SREBF1: variants seen among roughly 807,000 people sequenced by gnomAD.
SREBF1 encodes the protein sterol regulatory element-binding protein 1.
In SREBF1, 45 loss-of-function variants were observed where a neutral mutation model predicts 100.1. That is an observed-to-expected ratio of 0.45 (90% confidence interval 0.35 to 0.58). The LOEUF (loss-of-function observed/expected upper bound fraction) is 0.58, where lower values mean the gene tolerates loss of function less well. Ranked by LOEUF, SREBF1 falls within the 20% of genes least tolerant of loss-of-function variation. The pLI is 0.00. For missense variants in SREBF1, 1,324 were observed against 1,539.4 expected, an observed-to-expected ratio of 0.86 and a Z score of 2.34; for synonymous variants, 657 against 681.8, an observed-to-expected ratio of 0.96 and a Z score of 0.57.
chr17:17,827,883 CAA>C (rs943849463), intron 1 of SREBF1, among the ~76,000 whole-genome samples: 1 of 152,194 alleles, frequency 6.6e-6, no homozygotes, highest in Non-Finnish European at 1.5e-5. Context: ...GTGCAGAGTG[CAA>C]AGACAGAGAG....
chr17:17,812,494 C>A lies in SREBF1; in HGVS notation c.*128G>T. 1 of 971,288 alleles carries A rather than the reference C, an allele frequency of 1.0e-6. No homozygotes were observed. Among genetic ancestry groups the A allele is most frequent in the Non-Finnish European group, 1.5e-6 (1 of 657,914 alleles). The allele number at this position is 971,288 out of a possible 1,614,324, so 60.2% of individuals were successfully genotyped here. ...TTCCACCGCGAAGGCACACAGCAGC[C>A]GCAGGTCGAACTGTGGAGGCCAGAG... On this transcript the variant is annotated 3_prime_UTR_variant, in exon 19 of 19. Coordinates refer to ENST00000261646, the MANE Select transcript of SREBF1 (RefSeq NM_004176.5).
rs1367632874 is a variant in SREBF1 at position 17,816,857 on chromosome 17, G to A, written c.1785+101C>T. On this transcript the variant is annotated intron_variant, in intron 9 of 18. Transcript: ENST00000261646. The stretch of plus-strand genomic sequence containing the variant: ...GGCTAGGCACAGGGAGGACGGGACA[G>A]ATTCATGGTGTGCACAGGGAGCAGG... The A allele has an allele frequency of 1.7e-5, 27 of 1,593,836 alleles. No individual in the cohort carries two copies. In the East Asian group the frequency reaches 5.6e-4, roughly 33 times the overall value.
At position 17,812,368 on chromosome 17, in the gene SREBF1, C is replaced by T. The variant is rs1013522968; in HGVS notation, c.*254G>A. On this transcript the variant is annotated 3_prime_UTR_variant, in exon 19 of 19. Coordinates refer to ENST00000261646, the MANE Select transcript of SREBF1 (RefSeq NM_004176.5). ...GGTGCCTGCAGAGCAAGGAGGGGGG[C>T]CCCCCAAAATGGCTCGGCCCCTGCA... 2 of 580,832 alleles carry T rather than the reference C, an allele frequency of 3.4e-6. No individual in the cohort carries two copies. The highest frequency in any genetic ancestry group is 6.5e-5 in the Admixed American group (2 of 30,602). The allele number at this position is 580,832 out of a possible 1,614,324, so 36.0% of individuals were successfully genotyped here. A position where few individuals can be genotyped will look rare whatever the true frequency, so the allele number is the denominator to read the frequency against.
chr17:17,821,617 G>C (rs1036364694), intron 1 of SREBF1, among the ~76,000 whole-genome samples: 2 of 152,210 alleles, frequency 1.3e-5, no homozygotes, highest in Non-Finnish European at 1.5e-5. Context: ...GTTTACAGGG[G>C]GAAGAGGGGT....
chr17:17,836,281 G>C (rs969633197), intron 1 of SREBF1, among the ~76,000 whole-genome samples: 4 of 152,266 alleles, frequency 2.6e-5, no homozygotes, highest in African/African-American at 9.6e-5. Flanking sequence ...GCATGCGCAA[G>C]AGCTCCGACG....
At chr17:17,830,095 A>C (rs558274961) in intron 1 of SREBF1, among the ~76,000 whole-genome samples, 2 of 152,382 alleles carry the variant, frequency 1.3e-5, no homozygotes, top group East Asian at 3.9e-4. Flanking sequence ...GGTACATCCT[A>C]GAAACTTCCA....
Position 17,816,226 on chromosome 17 carries a change from C to T in SREBF1, c.2195G>A (p.Arg732Gln), listed in dbSNP as rs777361028. Residue 732 changes from arginine to glutamine, a missense_variant, in exon 11 of 19, where the codon CGG becomes CAG. Coordinates refer to ENST00000261646, the MANE Select transcript of SREBF1 (RefSeq NM_004176.5). ...AALRVKTSLPRALHFLTRFFL... is the reference protein window; with the variant it reads ...AALRVKTSLPQALHFLTRFFL... ...ACTCACTGTCAGAAAATGCAAGGCC[C>T]GTGGGAGACTGGTCTTCACTCTCAA... 29 of 1,060,874 alleles carry T rather than the reference C, an allele frequency of 2.7e-5. No individual in the cohort carries two copies. Among genetic ancestry groups the T allele is most frequent in the Middle Eastern group, 4.9e-4 (2 of 4,074 alleles). The allele number at this position is 1,060,874 out of a possible 1,614,324, so 65.7% of individuals were successfully genotyped here. A position where few individuals can be genotyped will look rare whatever the true frequency, so the allele number is the denominator to read the frequency against.
intron 1 of SREBF1, among the ~76,000 whole-genome samples, chr17:17,832,114 G>A (rs2034898042): frequency 1.3e-5 from 2 of 152,300 alleles, no homozygotes; most frequent in Non-Finnish European, 2.9e-5. Flanking sequence ...AAGAGCTTAA[G>A]AGCTAGGCTC....
At chr17:17,814,206 AT>A (rs1181347053) in intron 16 of SREBF1, 38 bp downstream of exon 16, 5 of 1,574,020 alleles carry the variant, frequency 3.2e-6, no homozygotes, top group Non-Finnish European at 4.3e-6. Context: ...GGAAAGCTGA[AT>A]CCCCCAGCCC....
At position 17,811,542 on chromosome 17, in the gene SREBF1, G is replaced by A. The variant is rs971964618; in HGVS notation, c.*1080C>T. ...TGGGAATGAAGGGAGGGGCTGGGGG[G>A]GGGGGCATGAATGGAGTCAGGGAGT... On this transcript the variant is annotated 3_prime_UTR_variant, in exon 19 of 19. Coordinates refer to ENST00000261646, the MANE Select transcript of SREBF1 (RefSeq NM_004176.5). 2.6e-5 allele frequency: 8 copies of A among 310,926 alleles called. No individual in the cohort carries two copies. The highest frequency in any genetic ancestry group is 1.6e-4 in the Admixed American group (3 of 18,812). The allele number at this position is 310,926 out of a possible 1,614,324, so 19.3% of individuals were successfully genotyped here. A position where few individuals can be genotyped will look rare whatever the true frequency, so the allele number is the denominator to read the frequency against.
In SREBF1 at chr17:17,820,156, C is replaced by A. The variant is rs529543534; in HGVS notation, c.457G>T (p.Ala153Ser). ...GGGGTGGAGCTGAACTGCGGTGGGG[C>A]TGGGGCTGGGAAGCTCTGTGGCAGG... ...ALLPQSFPAP[A>S]PPQFSSTPVL... Residue 153 changes from alanine to serine, a missense_variant, in exon 2 of 19, where the codon GCC (alanine) becomes TCC (serine). Ala to Ser is a moderately conservative substitution (Grantham distance 99). Coordinates refer to ENST00000261646, the MANE Select transcript of SREBF1 (RefSeq NM_004176.5). 2 of 1,613,182 alleles carry A rather than the reference C, an allele frequency of 1.2e-6. 1 individual carries two copies. The highest frequency in any genetic ancestry group is 2.2e-5 in the South Asian group (2 of 91,020).
intron 1 of SREBF1, among the ~76,000 whole-genome samples, chr17:17,830,359 T>C (rs920122662): frequency 1.3e-5 from 2 of 152,386 alleles, no homozygotes; most frequent in South Asian, 2.1e-4. Flanking sequence ...CTAACTGGCA[T>C]TGGTTCAGGG....
At position 17,819,375 on chromosome 17, in the gene SREBF1, G is replaced by A. The variant is rs564840650; in HGVS notation, c.791C>T (p.Ala264Val). The change falls in exon 4 of 19, where the codon GCG becomes GTG. Residue 264 changes from alanine (A) to valine (V), a missense_variant. Coordinates refer to ENST00000261646, the MANE Select transcript of SREBF1 (RefSeq NM_004176.5). ...AMKTDGATVK[A>V]AGLSPLVSGT... ...AGAGACCAGGGGACTGAGACCTGCC[G>A]CCTTCACAGTGGCTCCGTCTGTCTT... The A allele has an allele frequency of 8.7e-6, 14 of 1,613,832 alleles. No homozygotes were observed. The highest frequency in any genetic ancestry group is 6.7e-5 in the East Asian group (3 of 44,890).
At chr17:17,821,079 T>C (rs1425388475) in intron 1 of SREBF1, among the ~76,000 whole-genome samples, 1 of 152,128 alleles carries the variant, frequency 6.6e-6, no homozygotes, top group Admixed American at 6.5e-5. Flanking sequence ...TTGATGTGGA[T>C]GGTGGTAAAC....
chr17:17,813,981 C>G (rs1263617580), intron 16 of SREBF1: 1 of 672,884 alleles, frequency 1.5e-6, no homozygotes, highest in African/African-American at 1.8e-5. Flanking sequence ...CTGTCCAGCC[C>G]TCCTGATGCA....
intron 1 of SREBF1, among the ~76,000 whole-genome samples, chr17:17,825,415 C>A (rs1024592416): frequency 6.6e-6 from 1 of 151,962 alleles, no homozygotes; most frequent in East Asian, 1.9e-4. Context: ...CGGGGGGGGC[C>A]TTCCAAGAGG....
chr17:17,833,488 C>A (rs1555573461), intron 1 of SREBF1, among the ~76,000 whole-genome samples: 1 of 125,036 alleles, frequency 8.0e-6, no homozygotes, highest in African/African-American at 3.3e-5. Context: ...CACACACATA[C>A]AGATCCACAG....
rs2033163240 is a variant in SREBF1, at chr17:17,813,417, C to T, written c.3165G>A (p.Gln1055=). The part of the protein sequence containing the change: ...MAGASPTRTH[Q]LLDRSLRRRA... ...GCCGCCTCAGACTGCGGTCGAGGAG[C>T]TGGTGTGTCCGTGTGGGGCTGGCCC... Residue 1055 remains glutamine (Q), a synonymous_variant, in exon 18 of 19, where the codon CAG becomes CAA. Coordinates refer to ENST00000261646, the MANE Select transcript of SREBF1 (RefSeq NM_004176.5). 3 of 1,602,690 alleles carry T rather than the reference C, an allele frequency of 1.9e-6. No homozygotes were observed. Among genetic ancestry groups the T allele is most frequent in the East Asian group, 2.3e-5 (1 of 44,342 alleles).
At position 17,813,568 on chromosome 17, in the gene SREBF1, C is replaced by A; in HGVS notation, c.3102+1G>T. 2 of 1,596,286 alleles carry A rather than the reference C, an allele frequency of 1.3e-6. No individual in the cohort carries two copies. Among genetic ancestry groups the A allele is most frequent in the Non-Finnish European group, 1.7e-6 (2 of 1,174,070 alleles). On this transcript the variant is annotated splice_donor_variant, in intron 17 of 18. Transcript: ENST00000261646. LOFTEE classifies it high-confidence loss of function. ...TGAGGACAGGGCCATCGGGCACTCA[C>A]CCTCCGCATGGCGGGCCGGAAGCTC...
Sources: allele counts gnomAD v4.1 joint callset (sites outside exome capture counted in the v4.1 genomes callset), GRCh38; gene constraint gnomAD v4.1.1; transcripts MANE v1.5; gene names NCBI Gene and HGNC (gene_info 2026-07-23, HGNC 2026-07-21).